GRM5: variants seen among roughly 807,000 people sequenced by gnomAD.
GRM5 encodes the protein metabotropic glutamate receptor 5.
Under a neutral mutation model 83.1 loss-of-function variants are expected in GRM5, and 19 were observed. That is an observed-to-expected ratio of 0.23 (90% CI 0.16 to 0.34). The LOEUF (loss-of-function observed/expected upper bound fraction) is 0.34, where lower values mean the gene tolerates loss of function less well. Among genes scored for constraint, GRM5 ranks in the 10% least tolerant of loss-of-function variants. The pLI, the probability that GRM5 is intolerant of heterozygous loss-of-function variation, is 1.00. For missense variants in GRM5, 1,160 were observed against 1,588.3 expected (o/e 0.73, Z 4.58); for synonymous variants, 675 against 633.6 (o/e 1.07, Z -0.98).
At chr11:88,620,717 A>G (rs753840946) in intron 4 of GRM5, among the ~76,000 whole-genome samples, 8 of 152,196 alleles carry the variant, frequency 5.3e-5, no homozygotes, top group African/African-American at 1.4e-4. Context: ...CATTCATCCT[A>G]TGCCTAACAC....
At chr11:88,534,869 C>T (rs1185624416) in intron 8 of GRM5, among the ~76,000 whole-genome samples, 2 of 152,190 alleles carry the variant, frequency 1.3e-5, no homozygotes, top group East Asian at 3.9e-4. Context: ...TTCCCCTATA[C>T]TGTTCTCATG....
intron 3 of GRM5, among the ~76,000 whole-genome samples, chr11:88,778,005 G>A (rs747125950): frequency 1.3e-5 from 2 of 149,426 alleles, no homozygotes; most frequent in African/African-American, 4.8e-5. Context: ...AGACAGGGAC[G>A]TTTAAGTCTG....
At chr11:89,015,335 C>G (rs1457237852) in intron 2 of GRM5, among the ~76,000 whole-genome samples, 2 of 152,210 alleles carry the variant, frequency 1.3e-5, no homozygotes, top group African/African-American at 4.8e-5. Flanking sequence ...CTTCCCTTCA[C>G]TGTGAAGTAA....
At chr11:89,065,613 C>T (rs531065422) in intron 1 of GRM5, among the ~76,000 whole-genome samples, 163 bp downstream of exon 1, 5 of 152,262 alleles carry the variant, frequency 3.3e-5, no homozygotes, top group African/African-American at 1.2e-4. Context: ...CCTGGCTCTA[C>T]CAGCCCTCCA....
At chr11:88,541,583 A>T (rs308888) in intron 8 of GRM5, among the ~76,000 whole-genome samples, 110,579 of 151,948 alleles carry the variant, frequency 0.73, 40,385 homozygotes, top group African/African-American at 0.77. Flanking sequence ...TATATTATGG[A>T]AATTAAGTGT....
At chr11:88,867,811 C>G (rs1173585989) in intron 2 of GRM5, among the ~76,000 whole-genome samples, 1 of 151,716 alleles carries the variant, frequency 6.6e-6, no homozygotes, top group Admixed American at 6.6e-5. Context: ...TCTTGGACTT[C>G]CAGCCTCTAA....
chr11:88,959,712 G>A (rs1340536331), intron 2 of GRM5, among the ~76,000 whole-genome samples: 1 of 152,082 alleles, frequency 6.6e-6, no homozygotes, highest in East Asian at 1.9e-4. Flanking sequence ...TTCAGATATT[G>A]ACCTTAGTTG....
chr11:88,629,471 G>C (rs1938899269), intron 4 of GRM5, among the ~76,000 whole-genome samples: 1 of 152,084 alleles, frequency 6.6e-6, no homozygotes, highest in South Asian at 2.1e-4. Flanking sequence ...GGCAAATTCT[G>C]AGACCCCCTC....
At chr11:88,816,219 C>CAAA (rs1183223330) in intron 3 of GRM5, among the ~76,000 whole-genome samples, 70 of 44,962 alleles carry the variant, frequency 1.6e-3, no homozygotes, top group Non-Finnish European at 2.4e-3. Flanking sequence ...GACTCCGTCT[C>CAAA]AAAAAAAAAA....
At chr11:88,853,473 T>C (rs1347476521) in intron 2 of GRM5, among the ~76,000 whole-genome samples, 1 of 151,910 alleles carries the variant, frequency 6.6e-6, no homozygotes, top group African/African-American at 2.4e-5. Flanking sequence ...GATGCTAAAA[T>C]AATCAGGAGG....
chr11:88,623,376 C>T (rs1285284236), intron 4 of GRM5, among the ~76,000 whole-genome samples: 6 of 152,070 alleles, frequency 3.9e-5, no homozygotes, highest in East Asian at 1.9e-4. Context: ...GTGACCCGCC[C>T]GCCTCAGCCT....
chr11:88,674,588 A>G (rs1262915860), intron 3 of GRM5, among the ~76,000 whole-genome samples: 1 of 151,880 alleles, frequency 6.6e-6, no homozygotes, highest in African/African-American at 2.4e-5. Flanking sequence ...GAATGCTACC[A>G]TTGTTCCTCT....
At chr11:88,883,763 T>A (rs1944998005) in intron 2 of GRM5, among the ~76,000 whole-genome samples, 2 of 152,154 alleles carry the variant, frequency 1.3e-5, no homozygotes, top group African/African-American at 4.8e-5. Context: ...GCCCACTTGC[T>A]GTAGGCGGCC....
At chr11:88,559,527 T>C (rs1226436940) in intron 8 of GRM5, among the ~76,000 whole-genome samples, 11 of 152,186 alleles carry the variant, frequency 7.2e-5, no homozygotes, top group Non-Finnish European at 5.9e-5. Context: ...CCATAGATTG[T>C]TGTGGATATA....
chr11:88,534,103 T>C (rs1287250458), intron 8 of GRM5, among the ~76,000 whole-genome samples: 1 of 152,200 alleles, frequency 6.6e-6, no homozygotes, highest in African/African-American at 2.4e-5. Context: ...AGAAGTTTGT[T>C]GCAGGAGTGG....
At chr11:88,730,523 T>A (rs1941784573) in intron 3 of GRM5, among the ~76,000 whole-genome samples, 1 of 152,154 alleles carries the variant, frequency 6.6e-6, no homozygotes, top group African/African-American at 2.4e-5. Flanking sequence ...ACTGGGTATA[T>A]ACCCAAAGGA....
intron 2 of GRM5, among the ~76,000 whole-genome samples, chr11:88,916,813 C>T (rs1263069270): frequency 6.6e-6 from 1 of 151,976 alleles, no homozygotes; most frequent in Non-Finnish European, 1.5e-5. Context: ...ACAGCTCAGC[C>T]GTAGTACAAT....
At chr11:88,807,016 G>A (rs2169660) in intron 3 of GRM5, among the ~76,000 whole-genome samples, 69,694 of 151,940 alleles carry the variant, frequency 0.46, 18,227 homozygotes, top group East Asian at 0.76. Context: ...GGCAAAACAA[G>A]GTTTTACTTT....
intron 3 of GRM5, among the ~76,000 whole-genome samples, chr11:88,795,908 TA>T (rs1025785406): frequency 6.6e-6 from 1 of 152,190 alleles, no homozygotes; most frequent in Non-Finnish European, 1.5e-5. Context: ...GCTTTCTTGA[TA>T]AAAAAAGAAA....
Sources: allele counts gnomAD v4.1 joint callset (sites outside exome capture counted in the v4.1 genomes callset), GRCh38; gene constraint gnomAD v4.1.1; transcripts MANE v1.5; gene names NCBI Gene and HGNC (gene_info 2026-07-23, HGNC 2026-07-21).